The following EPB41L4B variants were observed in gnomAD, a reference collection of about 807,000 sequenced individuals.
EPB41L4B encodes the protein band 4.1-like protein 4B.
EPB41L4B carries 30 observed loss-of-function variants against 112.5 expected under a neutral mutation model. The observed-to-expected ratio is 0.27, with a 90% CI of 0.20 to 0.36. The LOEUF (loss-of-function observed/expected upper bound fraction) is 0.36, where lower values mean the gene tolerates loss of function less well. EPB41L4B is among the 10% of genes least tolerant of loss of function. EPB41L4B has a pLI of 1.00. For synonymous variants in EPB41L4B, 408 were observed against 439.7 expected (o/e 0.93, Z 0.90); for missense variants, 1,024 against 1,133.3 (o/e 0.90, Z 1.38).
intron 15 of EPB41L4B, among the ~76,000 whole-genome samples, chr9:109,228,994 GATT>G (rs1564280532): frequency 6.6e-6 from 1 of 152,154 alleles, no homozygotes. Flanking sequence ...TATATGATGT[GATT>G]ATTTCACATT....
intron 16 of EPB41L4B, among the ~76,000 whole-genome samples, chr9:109,216,232 CT>C (rs1833361776): frequency 6.6e-6 from 1 of 152,198 alleles, no homozygotes; most frequent in Admixed American, 6.5e-5. Flanking sequence ...AGGCGGGGCA[CT>C]GTGGCTCACG....
intron 15 of EPB41L4B, among the ~76,000 whole-genome samples, chr9:109,221,262 G>A (rs1232089434): frequency 1.3e-5 from 2 of 152,162 alleles, no homozygotes; most frequent in Admixed American, 1.3e-4. Context: ...AAGAATGAAA[G>A]GAAGGATGGA....
chr9:109,263,218 T>C, intron 5 of EPB41L4B, 116 bp from the exon 6 acceptor site: 1 of 718,826 alleles, frequency 1.4e-6, no homozygotes, highest in Non-Finnish European at 2.3e-6. Context: ...CTTGTATTCT[T>C]AGTCATATTT....
chr9:109,217,016 C>T lies in EPB41L4B; in HGVS notation c.1539G>A (p.Gln513=). The T allele has an allele frequency of 6.2e-7, 1 of 1,614,180 alleles. No individual in the cohort carries two copies. Among genetic ancestry groups the T allele is most frequent in the Non-Finnish European group, 8.5e-7 (1 of 1,180,038 alleles). ...RHHHQHQHQH[Q]HQHHSNYSLS... Reference sequence around the variant, plus strand: ...GGCTGTAGTTTGAGTGGTGCTGGTGCTGATGCTGATGCTGGTGCTGGTGGT... The same window carrying T: ...GGCTGTAGTTTGAGTGGTGCTGGTGTTGATGCTGATGCTGGTGCTGGTGGT... Residue 513 remains glutamine, a synonymous_variant, in exon 16 of 26, where the codon CAG becomes CAA. Coordinates refer to ENST00000374566, the MANE Select transcript of EPB41L4B (RefSeq NM_019114.5).
At chr9:109,242,470 A>T (rs1834386650) in intron 15 of EPB41L4B, among the ~76,000 whole-genome samples, 1 of 152,282 alleles carries the variant, frequency 6.6e-6, no homozygotes, top group Non-Finnish European at 1.5e-5. Context: ...AATGTTAATT[A>T]AAATAGCGTT....
chr9:109,268,178 A>AGTTG (rs1416165684), intron 3 of EPB41L4B, among the ~76,000 whole-genome samples: 4 of 152,364 alleles, frequency 2.6e-5, no homozygotes, highest in African/African-American at 9.6e-5. Flanking sequence ...ATGAGAGCAC[A>AGTTG]GTTGGTTTTT....
chr9:109,272,158 CT>C (rs922446175), intron 2 of EPB41L4B, among the ~76,000 whole-genome samples: 1 of 152,094 alleles, frequency 6.6e-6, no homozygotes, highest in African/African-American at 2.4e-5. Flanking sequence ...ATTTTCTTGG[CT>C]TATGAAGAGT....
At chr9:109,188,840 A>G (rs951885978) in intron 22 of EPB41L4B, among the ~76,000 whole-genome samples, 1 of 152,202 alleles carries the variant, frequency 6.6e-6, no homozygotes, top group African/African-American at 2.4e-5. Flanking sequence ...TAAGTGGTTC[A>G]TGAAGCATGG....
chr9:109,232,665 G>T (rs1352630499), intron 15 of EPB41L4B, among the ~76,000 whole-genome samples: 1 of 152,178 alleles, frequency 6.6e-6, no homozygotes. Flanking sequence ...ATGTAGTTCA[G>T]GTTAGATGAA....
chr9:109,197,212 C>A (rs1832671676), intron 20 of EPB41L4B, among the ~76,000 whole-genome samples: 1 of 152,118 alleles, frequency 6.6e-6, no homozygotes, highest in African/African-American at 2.4e-5. Flanking sequence ...CACCTGAGGT[C>A]AGGAGTTCGA....
chr9:109,286,423 A>T (rs770956111), intron 1 of EPB41L4B, among the ~76,000 whole-genome samples: 4 of 152,196 alleles, frequency 2.6e-5, no homozygotes, highest in Non-Finnish European at 5.9e-5. Context: ...TCCATGAACA[A>T]GCACCTAGGG....
At chr9:109,288,641 T>C (rs992811609) in intron 1 of EPB41L4B, among the ~76,000 whole-genome samples, 2 of 133,818 alleles carry the variant, frequency 1.5e-5, no homozygotes, top group African/African-American at 5.7e-5. Flanking sequence ...GAGAATGGAG[T>C]GAACCCAAAA....
At chr9:109,278,913 G>A (rs1835934244) in intron 2 of EPB41L4B, among the ~76,000 whole-genome samples, 1 of 152,196 alleles carries the variant, frequency 6.6e-6, no homozygotes, top group Admixed American at 6.5e-5. Flanking sequence ...TGAGCTTTGT[G>A]GAGTTCACTC....
intron 2 of EPB41L4B, among the ~76,000 whole-genome samples, chr9:109,269,447 C>T (rs1003665397): frequency 2.6e-5 from 4 of 152,158 alleles, no homozygotes; most frequent in African/African-American, 9.7e-5. Flanking sequence ...AGCCACTTAA[C>T]TTCCATGGAG....
intron 15 of EPB41L4B, among the ~76,000 whole-genome samples, chr9:109,243,210 C>T (rs557259868): frequency 1.0e-4 from 10 of 96,338 alleles, no homozygotes; most frequent in Middle Eastern, 4.2e-3. Flanking sequence ...AGCCCACCCC[C>T]GCAAAAAAAA....
chr9:109,277,344 C>T (rs1450846603), intron 2 of EPB41L4B, among the ~76,000 whole-genome samples: 1 of 147,116 alleles, frequency 6.8e-6, no homozygotes, highest in Middle Eastern at 3.3e-3. Flanking sequence ...GATGGACAGA[C>T]AGAATCGGAA....
chr9:109,320,088 G>A, intron 1 of EPB41L4B, 53 bp downstream of exon 1: 4 of 1,357,106 alleles, frequency 2.9e-6, no homozygotes, highest in Non-Finnish European at 3.8e-6. Flanking sequence ...GGGAGGGGGA[G>A]CTGCCTCCAG....
At chr9:109,183,415 T>C (rs1832138972) in intron 23 of EPB41L4B, among the ~76,000 whole-genome samples, 1 of 152,252 alleles carries the variant, frequency 6.6e-6, no homozygotes. Context: ...AACAGATGGC[T>C]TGATGCACAA....
intron 17 of EPB41L4B, among the ~76,000 whole-genome samples, chr9:109,208,709 G>A (rs1833062566): frequency 6.6e-6 from 1 of 152,026 alleles, no homozygotes; most frequent in African/African-American, 2.4e-5. Flanking sequence ...TAGGCTTTGT[G>A]ACTATTATAT....
Sources: allele counts gnomAD v4.1 joint callset (sites outside exome capture counted in the v4.1 genomes callset), GRCh38; gene constraint gnomAD v4.1.1; transcripts MANE v1.5; gene names NCBI Gene and HGNC (gene_info 2026-07-23, HGNC 2026-07-21).